ITPR1: variants seen among roughly 807,000 people sequenced by gnomAD.
The protein encoded by ITPR1 is inositol 1,4,5-trisphosphate-gated calcium channel ITPR1.
In ITPR1, 96 loss-of-function variants were observed where a neutral mutation model predicts 318.4. The ratio of observed to expected loss-of-function variants is 0.30; its 90% confidence interval spans 0.26 to 0.36. The LOEUF (loss-of-function observed/expected upper bound fraction) is 0.36, where lower values mean the gene tolerates loss of function less well. ITPR1 is among the 10% of genes least tolerant of loss of function. The pLI is 1.00. For synonymous variants in ITPR1, 1,312 were observed against 1,289.9 expected, an observed-to-expected ratio of 1.02 and a Z score of -0.37; for missense variants, 2,440 against 3,460.2, an observed-to-expected ratio of 0.71 and a Z score of 7.40.
Position 4,847,111 on chromosome 3 carries a change from T to TTGTTTGGA in ITPR1, c.*886_*887insTGTTTGGA, listed in dbSNP as rs1447883601. The TTGTTTGGA allele has an allele frequency of 3.3e-5, 5 of 152,670 alleles. No individual in the cohort carries two copies. The highest frequency in any genetic ancestry group is 3.3e-4 in the Admixed American group (5 of 15,284). 9.5% of individuals were successfully genotyped at this position (152,670 alleles called of 1,614,324 possible). A position where few individuals can be genotyped will look rare whatever the true frequency, so the allele number is the denominator to read the frequency against. ...TGCATAATTGATGGTTTCTAGATTATCTAGTCCAAACAATAGAGTTTATTT... is the reference window on the plus strand; with the variant it reads ...TGCATAATTGATGGTTTCTAGATTATTGTTTGGACTAGTCCAAACAATAGAGTTTATTT... On this transcript the variant is annotated 3_prime_UTR_variant, in exon 62 of 62. Transcript: ENST00000649015.
intron 4 of ITPR1, among the ~76,000 whole-genome samples, chr3:4,608,111 A>G (rs1279112119): frequency 6.6e-6 from 1 of 152,172 alleles, no homozygotes; most frequent in East Asian, 1.9e-4. Context: ...TAACGGGAAG[A>G]TGAGGGTTAG....
intron 44 of ITPR1, among the ~76,000 whole-genome samples, chr3:4,746,113 C>T (rs939297025): frequency 4.6e-5 from 7 of 152,140 alleles, no homozygotes; most frequent in Admixed American, 3.9e-4. Flanking sequence ...CCAGGCTCGA[C>T]CGCCTGCCAG....
intron 4 of ITPR1, among the ~76,000 whole-genome samples, chr3:4,565,661 C>G (rs185945133): frequency 6.6e-6 from 1 of 152,078 alleles, no homozygotes; most frequent in Non-Finnish European, 1.5e-5. Flanking sequence ...CTCCCCAAGA[C>G]GAAGGTCGGA....
At chr3:4,517,067 T>C (rs1246231766) in intron 3 of ITPR1, among the ~76,000 whole-genome samples, 1 of 152,248 alleles carries the variant, frequency 6.6e-6, no homozygotes, top group African/African-American at 2.4e-5. Context: ...GCTGTATGCA[T>C]TTGAAAATTA....
intron 44 of ITPR1, among the ~76,000 whole-genome samples, chr3:4,742,478 C>G (rs2043781159): frequency 6.6e-6 from 1 of 152,230 alleles, no homozygotes; most frequent in Non-Finnish European, 1.5e-5. Flanking sequence ...ACTCATCCCA[C>G]TGGTTCCTGA....
intron 17 of ITPR1, among the ~76,000 whole-genome samples, chr3:4,667,144 C>G (rs1349841431): frequency 6.6e-6 from 1 of 152,130 alleles, no homozygotes; most frequent in Non-Finnish European, 1.5e-5. Flanking sequence ...CGTGTAAATA[C>G]AGGCTATTTT....
chr3:4,653,088 TC>T (rs1365380333), intron 11 of ITPR1, among the ~76,000 whole-genome samples: 1 of 152,166 alleles, frequency 6.6e-6, no homozygotes, highest in Non-Finnish European at 1.5e-5. Context: ...GAAGCAGCCA[TC>T]CTACTGTGTG....
chr3:4,634,491 C>G (rs917066676), intron 5 of ITPR1, among the ~76,000 whole-genome samples: 1 of 152,112 alleles, frequency 6.6e-6, no homozygotes, highest in African/African-American at 2.4e-5. Context: ...GGATTACAGA[C>G]ATGAGCCATG....
intron 44 of ITPR1, among the ~76,000 whole-genome samples, chr3:4,759,063 A>G (rs1024647334): frequency 2.0e-5 from 3 of 152,050 alleles, no homozygotes; most frequent in Non-Finnish European, 4.4e-5. Context: ...GTAAATGGCC[A>G]AAGACTGGTG....
At chr3:4,635,117 A>G (rs114458769) in intron 5 of ITPR1, among the ~76,000 whole-genome samples, 1,538 of 152,280 alleles carry the variant, frequency 0.01, 20 homozygotes, top group African/African-American at 0.035. Flanking sequence ...AGCAGCCTCT[A>G]TGGGCAGACG....
chr3:4,630,531 A>AG (rs1383678130), intron 5 of ITPR1, among the ~76,000 whole-genome samples: 4 of 32,872 alleles, frequency 1.2e-4, no homozygotes, highest in African/African-American at 7.4e-4. Context: ...AGATTTTTAA[A>AG]GTTTTTTTTT....
intron 39 of ITPR1, among the ~76,000 whole-genome samples, chr3:4,716,769 C>G (rs1254020853): frequency 2.0e-5 from 3 of 152,138 alleles, no homozygotes; most frequent in Non-Finnish European, 4.4e-5. Flanking sequence ...TTCTTGGACA[C>G]GATGCTGATA....
intron 4 of ITPR1, among the ~76,000 whole-genome samples, chr3:4,533,746 A>T (rs1365332318): frequency 6.6e-6 from 1 of 152,216 alleles, no homozygotes; most frequent in African/African-American, 2.4e-5. Flanking sequence ...ACCAGCTATG[A>T]CAGAGCTTGG....
intron 4 of ITPR1, among the ~76,000 whole-genome samples, chr3:4,596,494 A>G (rs1218078396): frequency 6.6e-6 from 1 of 152,212 alleles, no homozygotes; most frequent in East Asian, 1.9e-4. Context: ...CGGTTGGAAC[A>G]TGGGGTTTAT....
At chr3:4,719,901 C>A (rs1007552994) in intron 40 of ITPR1, among the ~76,000 whole-genome samples, 1 of 152,022 alleles carries the variant, frequency 6.6e-6, no homozygotes, top group Non-Finnish European at 1.5e-5. Context: ...TCTTAATCCC[C>A]TGGGGCTGGG....
In ITPR1 at chr3:4,693,594, C is replaced by A; in HGVS notation, c.4134C>A (p.Asn1378Lys). 6.2e-7 allele frequency: 1 copy of A among 1,614,038 alleles called. No individual in the cohort carries two copies. Among genetic ancestry groups the A allele is most frequent in the Non-Finnish European group, 8.5e-7 (1 of 1,179,886 alleles). ...MRSERDRMDENSPLMYHIHLV... is the reference protein window; with the variant it reads ...MRSERDRMDEKSPLMYHIHLV... ...CAGAACGGGATCGGATGGATGAGAA[C>A]AGCCCTCTCATGTACCACATCCACT... Residue 1378 changes from asparagine (N) to lysine (K), a missense_variant, in exon 33 of 62, where the codon AAC (asparagine) becomes AAA (lysine). Physicochemically the swap from Asn to Lys is moderately conservative, Grantham distance 94. Around this residue, in one of 23 missense-constraint regions of ITPR1, gnomAD observed 222 missense variants for 318.8 expected, o/e 0.70. Transcript: ENST00000649015.
Position 4,768,719 on chromosome 3 carries a change from C to T in ITPR1, c.5934C>T (p.Leu1978=). The T allele has an allele frequency of 2.5e-6, 4 of 1,613,640 alleles. No individual in the cohort carries two copies. The highest frequency in any genetic ancestry group is 3.4e-6 in the Non-Finnish European group (4 of 1,179,804). Residue 1978 remains leucine (L), a synonymous_variant, in exon 46 of 62, where the codon CTC becomes CTT. Coordinates refer to ENST00000649015, the MANE Select transcript of ITPR1 (RefSeq NM_001378452.1). ...TCATCACCATCATGCAGCCCATCCTCCGCTTCCTTCAGCTCCTGTGTGAAA... is the reference window on the plus strand; with the variant it reads ...TCATCACCATCATGCAGCCCATCCTTCGCTTCCTTCAGCTCCTGTGTGAAA... ...SAVITIMQPI[L]RFLQLLCENH...
chr3:4,634,332 C>G (rs2093111856), intron 5 of ITPR1, among the ~76,000 whole-genome samples: 1 of 152,064 alleles, frequency 6.6e-6, no homozygotes, highest in Non-Finnish European at 1.5e-5. Context: ...TCCCACCTCC[C>G]TGCCCAGTAG....
rs1407951970 is a variant in ITPR1, at chr3:4,669,822, G to A, written c.2006+49G>A. On this transcript the variant is annotated intron_variant, in intron 19 of 61. Transcript: ENST00000649015. ...ATGGAAAACATGGGGTTCATTCAGT[G>A]TTGGTGCTCATGAGGAATAAAACCT... 8.5e-6 allele frequency: 13 copies of A among 1,532,854 alleles called. No individual in the cohort carries two copies. In the East Asian group the frequency reaches 9.4e-5, roughly 11 times the overall value. 95.0% of individuals were successfully genotyped at this position (1,532,854 alleles called of 1,614,324 possible). A position where few individuals can be genotyped will look rare whatever the true frequency, so the allele number is the denominator to read the frequency against.
Sources: allele counts gnomAD v4.1 joint callset (sites outside exome capture counted in the v4.1 genomes callset), GRCh38; gene constraint gnomAD v4.1.1; regional missense constraint gnomAD v4.1.1; transcripts MANE v1.5; gene names NCBI Gene and HGNC (gene_info 2026-07-23, HGNC 2026-07-21).